GLT1D1: variants seen among roughly 807,000 people sequenced by gnomAD.
GLT1D1 encodes the protein glycosyltransferase 1 domain-containing protein 1.
In GLT1D1, 21 loss-of-function variants were observed where a neutral mutation model predicts 28.7. The observed-to-expected ratio is 0.73, with a 90% CI of 0.52 to 1.05. The LOEUF is 1.05. Among genes scored for constraint, GLT1D1 ranks in the 50% least tolerant of loss-of-function variants. The pLI is 0.00. For synonymous variants in GLT1D1, 147 were observed against 124.8 expected (o/e 1.18, Z -1.19); for missense variants, 343 against 330.6 (o/e 1.04, Z -0.29).
intron 1 of GLT1D1, among the ~76,000 whole-genome samples, chr12:128,870,983 C>T (rs1297482393): frequency 1.3e-5 from 2 of 152,046 alleles, no homozygotes; most frequent in Admixed American, 6.6e-5. Flanking sequence ...AGAGCAAGAC[C>T]GTATCTCAAA....
At chr12:128,924,463 ATT>A (rs1872983666) in intron 4 of GLT1D1, among the ~76,000 whole-genome samples, 1 of 151,138 alleles carries the variant, frequency 6.6e-6, no homozygotes, top group Non-Finnish European at 1.5e-5. Flanking sequence ...AGCCTCTTTT[ATT>A]TATTTATTTA....
At chr12:128,874,775 C>T (rs552385038) in intron 1 of GLT1D1, among the ~76,000 whole-genome samples, 1 of 152,292 alleles carries the variant, frequency 6.6e-6, no homozygotes, top group Admixed American at 6.5e-5. Flanking sequence ...TGAGCCACCT[C>T]ACCCAGCCCT....
At chr12:128,856,636 C>T (rs1285611140) in intron 1 of GLT1D1, among the ~76,000 whole-genome samples, 1 of 152,076 alleles carries the variant, frequency 6.6e-6, no homozygotes, top group Non-Finnish European at 1.5e-5. Flanking sequence ...GAAAGGCAGC[C>T]AGGGTCACTG....
At chr12:128,942,888 C>G (rs1401284736) in intron 4 of GLT1D1, among the ~76,000 whole-genome samples, 1 of 151,974 alleles carries the variant, frequency 6.6e-6, no homozygotes, top group Non-Finnish European at 1.5e-5. Flanking sequence ...TTAGCTGGGG[C>G]TACAGGCGCG....
chr12:128,864,234 C>T, intron 1 of GLT1D1: 2 of 577,214 alleles, frequency 3.5e-6, no homozygotes, highest in South Asian at 4.0e-5. Flanking sequence ...CGAGAGGCTT[C>T]CGGGCTGAAG....
intron 4 of GLT1D1, among the ~76,000 whole-genome samples, chr12:128,901,498 G>A (rs912939465): frequency 2.7e-5 from 4 of 150,238 alleles, no homozygotes; most frequent in Non-Finnish European, 5.9e-5. Flanking sequence ...GTGCAGTGGC[G>A]CGATCTCGGC....
At position 128,855,342 on chromosome 12, in the gene GLT1D1, G is replaced by C. The variant is rs1183025303; in HGVS notation, c.68+1693G>C. ...TTTGGGAGGCTGAGATGGGAGGATT[G>C]CTTGAGCCCAGGAGTTAAAGACCAG... On this transcript the variant is annotated intron_variant, in intron 1 of 7. Transcript: ENST00000281703. 2.0e-5 allele frequency among the ~76,000 whole-genome samples: 3 copies of C among 151,904 alleles called. No homozygotes were observed. In the East Asian group the frequency reaches 5.8e-4, roughly 29 times the overall value.
intron 4 of GLT1D1, among the ~76,000 whole-genome samples, chr12:128,905,403 G>A (rs751936337): frequency 6.6e-6 from 1 of 152,210 alleles, no homozygotes; most frequent in Non-Finnish European, 1.5e-5. Context: ...TTACTCACAC[G>A]ATATCTGATC....
intron 7 of GLT1D1, among the ~76,000 whole-genome samples, chr12:128,968,090 G>A (rs1042240083): frequency 2.0e-5 from 3 of 151,992 alleles, no homozygotes; most frequent in Non-Finnish European, 4.4e-5. Flanking sequence ...TCCGCCTCCC[G>A]GTTCACATCA....
rs536032656 is a variant in GLT1D1, at chr12:128,949,986, T to C, written c.540+2528T>C. On this transcript the variant is annotated intron_variant, in intron 6 of 7. Transcript: ENST00000281703. ...CAGACTCCAGCCCTAGTGATTGAAG[T>C]GGGATGTGAAGGCATTCAAAGGCAG... 5.3e-5 allele frequency among the ~76,000 whole-genome samples: 8 copies of C among 152,072 alleles called. No individual in the cohort carries two copies. The East Asian group carries it at 1.6e-3, about 29-fold the overall frequency.
chr12:128,947,947 A>G (rs1007412758), intron 6 of GLT1D1, among the ~76,000 whole-genome samples: 1 of 152,204 alleles, frequency 6.6e-6, no homozygotes, highest in Non-Finnish European at 1.5e-5. Context: ...CGTGGGGGCC[A>G]GGGTGGATCT....
intron 4 of GLT1D1, 80 bp downstream of exon 7, chr12:128,926,534 C>T: frequency 4.2e-6 from 3 of 719,732 alleles, no homozygotes; most frequent in Non-Finnish European, 4.7e-6. Context: ...TCTTCAGGGC[C>T]CTGAGTTTTC....
At chr12:128,960,174 T>A (rs1366034266) in intron 7 of GLT1D1, among the ~76,000 whole-genome samples, 1 of 152,174 alleles carries the variant, frequency 6.6e-6, no homozygotes, top group Non-Finnish European at 1.5e-5. Context: ...TCGTGTTCAT[T>A]TCACAAAGGA....
At chr12:128,929,840 G>A (rs1227043370) in intron 4 of GLT1D1, among the ~76,000 whole-genome samples, 2 of 152,186 alleles carry the variant, frequency 1.3e-5, no homozygotes, top group Non-Finnish European at 2.9e-5. Context: ...GCCAGGCATG[G>A]TGGCCTGCAC....
At chr12:128,855,243 AC>A (rs145367989) in intron 1 of GLT1D1, among the ~76,000 whole-genome samples, 22,126 of 117,320 alleles carry the variant, frequency 0.19, 2,389 homozygotes, top group South Asian at 0.34. Context: ...AAAAAAAAAA[AC>A]AACAACAACA....
In GLT1D1 at chr12:128,984,848, C is replaced by T. The variant is rs1000237289; in HGVS notation, c.*1758C>T. On this transcript the variant is annotated 3_prime_UTR_variant, in exon 8 of 8. Coordinates refer to ENST00000281703, the MANE Select transcript of GLT1D1 (RefSeq NM_144669.3). ...GAATGACCCTGTAGATGCCTGACCTCCACCGTACCTCCACATCACTATTCA... is the reference window on the plus strand; with the variant it reads ...GAATGACCCTGTAGATGCCTGACCTTCACCGTACCTCCACATCACTATTCA... 1.3e-5 allele frequency: 2 copies of T among 152,274 alleles called. No homozygotes were observed. The highest frequency in any genetic ancestry group is 4.8e-5 in the African/African-American group (2 of 41,476). 9.4% of individuals were successfully genotyped at this position (152,274 alleles called of 1,614,324 possible).
At chr12:128,866,967 C>G (rs952911960) in intron 1 of GLT1D1, among the ~76,000 whole-genome samples, 1 of 152,130 alleles carries the variant, frequency 6.6e-6, no homozygotes, top group Non-Finnish European at 1.5e-5. Context: ...CCACCCTTCT[C>G]AAATGGCAGC....
chr12:128,975,001 T>C (rs1879625445), intron 7 of GLT1D1, among the ~76,000 whole-genome samples: 1 of 151,972 alleles, frequency 6.6e-6, no homozygotes, highest in Admixed American at 6.6e-5. Context: ...GGAATTAGCT[T>C]TCTCACCTGC....
intron 5 of GLT1D1, 84 bp downstream of exon 9, chr12:128,945,453 C>A: frequency 9.2e-7 from 1 of 1,081,164 alleles, no homozygotes; most frequent in Non-Finnish European, 1.4e-6. Flanking sequence ...TTTATCCAGT[C>A]CCAGGCACTA....
Sources: gnomAD v4.1 joint callset for allele counts (sites outside exome capture counted in the v4.1 genomes callset) on GRCh38, gnomAD v4.1.1 for gene constraint, MANE v1.5 for transcripts, NCBI Gene and HGNC (gene_info 2026-07-23, HGNC 2026-07-21) for gene names.